Variants in ZFHX3 observed in about 807,000 individuals in gnomAD.
The protein encoded by ZFHX3 is zinc finger homeobox 3.
A neutral mutation model predicts 279.1 loss-of-function variants in ZFHX3; 42 were observed. The ratio of observed to expected loss-of-function variants is 0.15; its 90% CI spans 0.12 to 0.19. The LOEUF (loss-of-function observed/expected upper bound fraction) is 0.19. Ranked by LOEUF, ZFHX3 falls within the 10% of genes least tolerant of loss-of-function variation. The pLI is 1.00. For synonymous variants in ZFHX3, 2,293 were observed against 1,957.8 expected (o/e 1.17, Z -4.52); for missense variants, 4,981 against 4,754.0 (o/e 1.05, Z -1.40).
intron 2 of ZFHX3, among the ~76,000 whole-genome samples, chr16:73,461,782 A>G (rs1343083945): frequency 6.6e-6 from 1 of 152,192 alleles, no homozygotes; most frequent in East Asian, 1.9e-4. Context: ...TAGCTATTTA[A>G]TTAGTCTTTA....
chr16:73,612,871 GA>G (rs947788672), intron 2 of ZFHX3, among the ~76,000 whole-genome samples: 8 of 151,448 alleles, frequency 5.3e-5, no homozygotes, highest in African/African-American at 1.2e-4. Context: ...TGATATAATA[GA>G]AAAAAATGAT....
chr16:73,105,440 C>CATCTATATATATAT (rs1567389918), intron 7 of ZFHX3, among the ~76,000 whole-genome samples: 1 of 109,598 alleles, frequency 9.1e-6, no homozygotes. Context: ...TATACACACA[C>CATCTATATATATAT]ACACATATAT....
chr16:73,768,221 T>A (rs532661112), intron 1 of ZFHX3, among the ~76,000 whole-genome samples: 1 of 152,200 alleles, frequency 6.6e-6, no homozygotes, highest in East Asian at 1.9e-4. Flanking sequence ...TTGATGGGAC[T>A]TTTCTCCCAT....
Position 72,788,124 on chromosome 16 carries a change from C to T in ZFHX3, c.10152G>A (p.Gln3384=), listed in dbSNP as rs1328085469. The part of the protein sequence containing the change: ...AIQQQQQRQL[Q]QQQQQKVQQQ... Reference sequence around the variant, plus strand: ...GCTGCACTTTTTGCTGCTGCTGCTGCTGTAGTTGCCGCTGCTGCTGCTGCT... The same window carrying T: ...GCTGCACTTTTTGCTGCTGCTGCTGTTGTAGTTGCCGCTGCTGCTGCTGCT... The change falls in exon 10 of 10, where the codon CAG becomes CAA. Residue 3384 remains glutamine, a synonymous_variant. Coordinates refer to ENST00000268489, the MANE Select transcript of ZFHX3 (RefSeq NM_006885.4). 4 of 1,596,304 alleles carry T rather than the reference C, an allele frequency of 2.5e-6. No individual in the cohort carries two copies. Among genetic ancestry groups the T allele is most frequent in the Non-Finnish European group, 3.4e-6 (4 of 1,167,820 alleles).
intron 3 of ZFHX3, among the ~76,000 whole-genome samples, chr16:72,901,926 T>G (rs1390664340): frequency 6.6e-6 from 1 of 152,170 alleles, no homozygotes; most frequent in African/African-American, 2.4e-5. Context: ...ACCCCCTTTT[T>G]AAGTCTCATT....
upstream of ZFHX3, among the ~76,000 whole-genome samples, chr16:73,062,490 A>G (rs1184556094): frequency 6.6e-6 from 1 of 152,214 alleles, no homozygotes; most frequent in Admixed American, 6.5e-5. Context: ...AAAAAGGTTG[A>G]TTTAATGATG....
intron 2 of ZFHX3, among the ~76,000 whole-genome samples, chr16:73,469,519 T>A (rs1328544865): frequency 6.6e-6 from 1 of 152,128 alleles, no homozygotes; most frequent in Non-Finnish European, 1.5e-5. Context: ...GTTAACCTGG[T>A]GTCACTGTCT....
Position 72,861,032 on chromosome 16 carries a change from C to T in ZFHX3, c.3448+28699G>A, listed in dbSNP as rs956741054. On this transcript the variant is annotated intron_variant, in intron 4 of 9. Transcript: ENST00000268489. ...TCTTCTCTTACCTGGCCAACAGCAA[C>T]GGGTCAGCAGATGCTTTTCTCACGC... Among the ~76,000 whole-genome samples, 6 of 152,270 alleles carry T rather than the reference C, an allele frequency of 3.9e-5. 1 individual carries two copies. The highest frequency in any genetic ancestry group is 4.2e-4 in the South Asian group (2 of 4,818).
intron 3 of ZFHX3, among the ~76,000 whole-genome samples, chr16:72,923,337 C>T (rs1194449671): frequency 2.7e-5 from 4 of 150,510 alleles, no homozygotes; most frequent in South Asian, 4.3e-4. Context: ...TCCAGCTACT[C>T]GGGAGGCAGA....
intron 1 of ZFHX3, among the ~76,000 whole-genome samples, chr16:73,788,748 A>G (rs1461443163): frequency 6.6e-6 from 1 of 151,352 alleles, no homozygotes; most frequent in African/African-American, 2.4e-5. Flanking sequence ...ATATCTATAT[A>G]TAGATCATGA....
chr16:73,667,493 T>G (rs2052856040), intron 2 of ZFHX3, among the ~76,000 whole-genome samples: 1 of 152,238 alleles, frequency 6.6e-6, no homozygotes, highest in Non-Finnish European at 1.5e-5. Flanking sequence ...TAAGAACTAC[T>G]AAACTGTTTT....
intron 4 of ZFHX3, among the ~76,000 whole-genome samples, chr16:72,880,284 C>T (rs894913327): frequency 2.6e-5 from 4 of 152,236 alleles, no homozygotes; most frequent in African/African-American, 9.6e-5. Flanking sequence ...ATAGACTGAA[C>T]TGTGGTCCTC....
intron 1 of ZFHX3, among the ~76,000 whole-genome samples, chr16:73,793,120 T>G (rs900832239): frequency 6.6e-5 from 10 of 152,232 alleles, no homozygotes; most frequent in Admixed American, 5.9e-4. Flanking sequence ...TTTGCCTTGG[T>G]TCTCAGCCCT....
chr16:73,798,921 T>A (rs1339838744), intron 1 of ZFHX3, among the ~76,000 whole-genome samples: 1 of 152,234 alleles, frequency 6.6e-6, no homozygotes, highest in Non-Finnish European at 1.5e-5. Context: ...TTCTTTGGCT[T>A]CTTCAAATGT....
chr16:73,849,412 T>C (rs1961537660), intron 1 of ZFHX3, among the ~76,000 whole-genome samples: 1 of 152,230 alleles, frequency 6.6e-6, no homozygotes, highest in Admixed American at 6.5e-5. Context: ...AGCCAATGTG[T>C]TAGTTCTCTC....
chr16:73,445,385 T>A (rs1207028298), intron 3 of ZFHX3, among the ~76,000 whole-genome samples: 1 of 151,880 alleles, frequency 6.6e-6, no homozygotes, highest in Non-Finnish European at 1.5e-5. Flanking sequence ...ATAGCACCCC[T>A]TCACCATTTT....
intron 7 of ZFHX3, among the ~76,000 whole-genome samples, chr16:73,111,236 C>T (rs565643509): frequency 1.3e-5 from 2 of 152,302 alleles, no homozygotes; most frequent in South Asian, 2.1e-4. Flanking sequence ...CCACTGCACC[C>T]GGCCAGCATT....
chr16:72,815,594 T>A (rs1168311731), intron 5 of ZFHX3, among the ~76,000 whole-genome samples: 1 of 152,170 alleles, frequency 6.6e-6, no homozygotes, highest in Non-Finnish European at 1.5e-5. Context: ...CATAAGTAAA[T>A]GAAGTTGTAT....
At chr16:73,651,352 T>C (rs1567542714) in intron 2 of ZFHX3, among the ~76,000 whole-genome samples, 1 of 151,812 alleles carries the variant, frequency 6.6e-6, no homozygotes, top group East Asian at 1.9e-4. Flanking sequence ...GCAAGAATTA[T>C]TTAAAGAGAA....
Sources: gnomAD v4.1 joint callset for allele counts (sites outside exome capture counted in the v4.1 genomes callset) on GRCh38, gnomAD v4.1.1 for gene constraint, MANE v1.5 for transcripts, NCBI Gene and HGNC (gene_info 2026-07-23, HGNC 2026-07-21) for gene names.